Variants in MED13 observed in about 807,000 individuals in gnomAD.
MED13 encodes the protein mediator of RNA polymerase II transcription subunit 13.
A neutral mutation model predicts 225.2 loss-of-function variants in MED13; 23 were observed. The ratio of observed to expected loss-of-function variants is 0.10; its 90% CI spans 0.07 to 0.14. The LOEUF (loss-of-function observed/expected upper bound fraction) is 0.14. Among genes scored for constraint, MED13 ranks in the 10% least tolerant of loss-of-function variants. The probability of loss-of-function intolerance (pLI) is 1.00; values close to 1 mark genes in which losing one functional copy is unlikely to be tolerated. For synonymous variants in MED13, 942 were observed against 889.2 expected (o/e 1.06, Z -1.06); for missense variants, 2,197 against 2,594.5 (o/e 0.85, Z 3.33).
chr17:61,947,644 A>G (rs2079861721), intron 28 of MED13, among the ~76,000 whole-genome samples: 1 of 152,208 alleles, frequency 6.6e-6, no homozygotes, highest in Non-Finnish European at 1.5e-5. Flanking sequence ...TAAACAAGCT[A>G]TCTTCGGTTG....
intron 6 of MED13, 176 bp downstream of exon 6, chr17:62,031,268 G>A: frequency 1.8e-6 from 1 of 557,620 alleles, no homozygotes; most frequent in Non-Finnish European, 3.1e-6. Flanking sequence ...ACATCATACA[G>A]ACAGGGTGAT....
At chr17:62,021,622 A>C (rs2080648364) in intron 8 of MED13, among the ~76,000 whole-genome samples, 1 of 152,250 alleles carries the variant, frequency 6.6e-6, no homozygotes, top group Admixed American at 6.5e-5. Flanking sequence ...TCGCTAATGA[A>C]AAATGCGACA....
At chr17:62,046,222 A>G (rs1405681745) in intron 3 of MED13, among the ~76,000 whole-genome samples, 5 of 152,344 alleles carry the variant, frequency 3.3e-5, no homozygotes, top group South Asian at 4.1e-4. Flanking sequence ...GTCCGAAGTA[A>G]TAACTTAAAG....
chr17:61,968,107 T>A lies in MED13; in HGVS notation c.4119A>T (p.Val1373=). ...YGSQRDIAYV[V]LCPENEALLN... ...ACAAGGCTTCATTTTCTGGACACAG[T>A]ACAACATAGGCTATATCTCTTTGAG... The change falls in exon 18 of 30, where the codon GTA becomes GTT. Residue 1373 remains valine, a synonymous_variant. Transcript: ENST00000397786. 6.2e-7 allele frequency: 1 copy of A among 1,614,050 alleles called. No homozygotes were observed. Among genetic ancestry groups the A allele is most frequent in the Non-Finnish European group, 8.5e-7 (1 of 1,179,976 alleles).
At chr17:62,044,551 TTTTC>T (rs1218942435) in intron 3 of MED13, among the ~76,000 whole-genome samples, 3 of 152,232 alleles carry the variant, frequency 2.0e-5, no homozygotes, top group Non-Finnish European at 2.9e-5. Context: ...TTTAATCCTA[TTTTC>T]TTTATGTTAT....
Position 61,949,083 on chromosome 17 carries a change from G to A in MED13, c.6291+1742C>T, listed in dbSNP as rs576444587. Among the ~76,000 whole-genome samples, 26 of 147,756 alleles carry A rather than the reference G, an allele frequency of 1.8e-4. No individual in the cohort carries two copies. The South Asian group carries it at 4.9e-3, about 28-fold the overall frequency. The stretch of plus-strand genomic sequence containing the variant: ...AGCCTGGGCGACAGAGCGAGACTCC[G>A]TCTCAAAAAAAAAAAAAGAATAAGT... On this transcript the variant is annotated intron_variant, in intron 28 of 29. Coordinates refer to ENST00000397786, the MANE Select transcript of MED13 (RefSeq NM_005121.3).
Position 62,008,016 on chromosome 17 carries a change from CA to C in MED13, c.1967+2533del, listed in dbSNP as rs60236710. Reference sequence around the variant, plus strand: ...CCTGGAGGAAAGAGCGAGACTGTCTCAAAAAAAAAAAAAAAAAAAAGCTGTG... The same window carrying C: ...CCTGGAGGAAAGAGCGAGACTGTCTCAAAAAAAAAAAAAAAAAAAGCTGTG... On this transcript the variant is annotated intron_variant, in intron 9 of 29. Transcript: ENST00000397786. 4.7e-3 allele frequency among the ~76,000 whole-genome samples: 235 copies of C among 50,492 alleles called. 1 individual carries two copies. The highest frequency in any genetic ancestry group is 0.025 in the East Asian group (31 of 1,238). The allele number at this position is 50,492 out of a possible 152,430, so 33.1% of individuals were successfully genotyped here.
chr17:61,956,693 A>C (rs370789914), intron 23 of MED13, among the ~76,000 whole-genome samples: 86 of 151,852 alleles, frequency 5.7e-4, no homozygotes, highest in African/African-American at 2.0e-3. Flanking sequence ...GTGTGTGCCA[A>C]CACACCCAGC....
intron 2 of MED13, among the ~76,000 whole-genome samples, chr17:62,058,381 C>T (rs2081011376): frequency 6.6e-6 from 1 of 151,800 alleles, no homozygotes; most frequent in Non-Finnish European, 1.5e-5. Flanking sequence ...ATTAGCCAGG[C>T]GTGATGACAC....
At chr17:61,999,878 G>A (rs74479792) in intron 9 of MED13, among the ~76,000 whole-genome samples, 3,221 of 151,976 alleles carry the variant, frequency 0.021, 111 homozygotes, top group African/African-American at 0.074. Flanking sequence ...ACAACATAGC[G>A]AGATCCTGTC....
Position 61,982,959 on chromosome 17 carries a change from G to A in MED13, c.3044C>T (p.Pro1015Leu). Residue 1015 changes from proline (P) to leucine (L), a missense_variant, in exon 16 of 30, where the codon CCA (proline) becomes CTA (leucine). Pro to Leu is a moderately conservative substitution (Grantham distance 98). This residue lies in a region of MED13 where 99 missense variants were observed against 158.5 expected (regional missense o/e 0.62). Transcript: ENST00000397786. Reference protein sequence around the residue: ...STPRFPTPRTPRTPRTPRGAG... With the variant: ...STPRFPTPRTLRTPRTPRGAG... ...TCCACGAGGAGTCCGAGGAGTCCTTGGAGTCCTTGGAGTTGGAAACCGAGG... is the reference window on the plus strand; with the variant it reads ...TCCACGAGGAGTCCGAGGAGTCCTTAGAGTCCTTGGAGTTGGAAACCGAGG... 1 of 1,614,060 alleles carries A rather than the reference G, an allele frequency of 6.2e-7. No individual in the cohort carries two copies. Among genetic ancestry groups the A allele is most frequent in the Non-Finnish European group, 8.5e-7 (1 of 1,180,008 alleles).
intron 17 of MED13, among the ~76,000 whole-genome samples, chr17:61,971,272 C>T (rs2080105844): frequency 6.7e-6 from 1 of 149,630 alleles, no homozygotes; most frequent in Admixed American, 6.7e-5. Context: ...AAATAAATAT[C>T]TACTTTTTTT....
intron 3 of MED13, among the ~76,000 whole-genome samples, chr17:62,040,441 CAA>C (rs976575320): frequency 5.6e-4 from 85 of 152,208 alleles, no homozygotes; most frequent in African/African-American, 2.0e-3. Flanking sequence ...TGAAATTAAT[CAA>C]AAGATTATTT....
In MED13 at chr17:61,955,993, CA is replaced by C. The variant is rs2079940850; in HGVS notation, c.5624-156del. On this transcript the variant is annotated intron_variant, in intron 24 of 29. Coordinates refer to ENST00000397786, the MANE Select transcript of MED13 (RefSeq NM_005121.3). The stretch of plus-strand genomic sequence containing the variant: ...CCTCCAACACGAGTCATCATCAAGC[CA>C]AAATTCTTACTGCTGATGCTACTGA... Among the ~76,000 whole-genome samples the C allele has an allele frequency of 2.0e-5, 3 of 151,678 alleles. No individual in the cohort carries two copies. The South Asian group carries it at 6.2e-4, about 31-fold the overall frequency.
chr17:61,968,907 ATGCTTAGCTAAT>A (rs751061310), intron 17 of MED13, among the ~76,000 whole-genome samples: 34 of 152,094 alleles, frequency 2.2e-4, no homozygotes, highest in Non-Finnish European at 2.9e-4. Flanking sequence ...GTGTGCCACT[ATGCTTAGCTAAT>A]TTTTAAAGTT....
chr17:62,009,703 T>C (rs945046210), intron 9 of MED13, among the ~76,000 whole-genome samples: 5 of 152,200 alleles, frequency 3.3e-5, no homozygotes, highest in African/African-American at 1.2e-4. Context: ...CATAGCCATG[T>C]TGAAAATGGC....
intron 10 of MED13, among the ~76,000 whole-genome samples, chr17:61,993,178 C>T (rs2080315509): frequency 6.6e-6 from 1 of 150,526 alleles, no homozygotes; most frequent in Middle Eastern, 3.5e-3. Context: ...TTCCAAAGTC[C>T]ATGTTCTTTC....
chr17:61,982,733 A>T lies in MED13; in HGVS notation c.3270T>A (p.Phe1090Leu). ...TGCAAACACAGATGCAACAACTATC[A>T]AAGTTACAGTCTTTAAACAAATTCA... ...SVMNLFKDCN[F>L]DSCCICVCNM... The change falls in exon 16 of 30, where the codon TTT becomes TTA. Residue 1090 changes from phenylalanine to leucine, a missense_variant. Physicochemically the swap from Phe to Leu is conservative, Grantham distance 22. Coordinates refer to ENST00000397786, the MANE Select transcript of MED13 (RefSeq NM_005121.3). 6.2e-7 allele frequency: 1 copy of T among 1,614,192 alleles called. No homozygotes were observed. Among genetic ancestry groups the T allele is most frequent in the South Asian group, 1.1e-5 (1 of 91,084 alleles).
At chr17:61,993,637 A>T (rs900038119) in intron 10 of MED13, among the ~76,000 whole-genome samples, 2 of 151,396 alleles carry the variant, frequency 1.3e-5, no homozygotes, top group East Asian at 2.0e-4. Context: ...TGTATTAAAC[A>T]TATTATTGGG....
Sources: gnomAD v4.1 joint callset for allele counts (sites outside exome capture counted in the v4.1 genomes callset) on GRCh38, gnomAD v4.1.1 for gene constraint, gnomAD v4.1.1 regional missense constraint, MANE v1.5 for transcripts, NCBI Gene and HGNC (gene_info 2026-07-23, HGNC 2026-07-21) for gene names.